Variants in ECHDC2 observed in about 807,000 individuals in gnomAD.
ECHDC2 encodes the protein enoyl-CoA hydratase domain containing 2, also known as enoyl-CoA hydratase domain-containing protein 2, mitochondrial.
Under a neutral mutation model 40.6 loss-of-function variants are expected in ECHDC2, and 34 were observed. The observed-to-expected ratio is 0.84, with a 90% CI of 0.64 to 1.11. The LOEUF (loss-of-function observed/expected upper bound fraction) is 1.11, where lower values mean the gene tolerates loss of function less well. ECHDC2 is among the 50% of genes most tolerant of loss of function. ECHDC2 has a pLI of 0.00. For missense variants in ECHDC2, 392 were observed against 400.7 expected (o/e 0.98, Z 0.19); for synonymous variants, 162 against 166.6 (o/e 0.97, Z 0.21).
At chr1:52,917,163 A>C (rs1311425886) in intron 1 of ECHDC2, among the ~76,000 whole-genome samples, 1 of 151,100 alleles carries the variant, frequency 6.6e-6, no homozygotes, top group Non-Finnish European at 1.5e-5. Context: ...CAGAGGCTGC[A>C]GTGGGCCGAG....
At chr1:52,899,327 G>C in intron 7 of ECHDC2, 103 bp from the exon 8 acceptor site, 1 of 1,103,168 alleles carries the variant, frequency 9.1e-7, no homozygotes, top group Non-Finnish European at 1.3e-6. Flanking sequence ...AGATGTCTGG[G>C]TCTGGTTCCA....
chr1:52,911,793 G>A lies in ECHDC2; in HGVS notation c.122-3C>T. On this transcript the variant is annotated splice_region_variant and splice_polypyrimidine_tract_variant and intron_variant, in intron 1 of 9. Coordinates refer to ENST00000371522, the MANE Select transcript of ECHDC2 (RefSeq NM_001198961.2). ...GTTCATCAGAATCTCAGTGATCCCT[G>A]TAAGGAGTCAGGGCAGCCACGGGAA... 6.2e-7 allele frequency: 1 copy of A among 1,613,860 alleles called. No homozygotes were observed. Among genetic ancestry groups the A allele is most frequent in the South Asian group, 1.1e-5 (1 of 91,084 alleles).
At chr1:52,913,242 A>G (rs1389871433) in intron 1 of ECHDC2, 1 of 152,196 alleles carries the variant, frequency 6.6e-6, no homozygotes, top group Non-Finnish European at 1.5e-5. Flanking sequence ...ATAAATTAGC[A>G]ACTAAATACA....
Position 52,896,536 on chromosome 1 carries a change from T to G in ECHDC2, c.863A>C (p.Lys288Thr), listed in dbSNP as rs747871218. The G allele has an allele frequency of 3.1e-6, 5 of 1,613,974 alleles. No homozygotes were observed. The highest frequency in any genetic ancestry group is 4.2e-6 in the Non-Finnish European group (5 of 1,179,970). Residue 288 changes from lysine (K) to threonine (T), a missense_variant, in exon 10 of 10, where the codon AAA (lysine) becomes ACA (threonine). Physicochemically the swap from Lys to Thr is moderately conservative, Grantham distance 78. Transcript: ENST00000371522. The part of the protein sequence containing the change: ...MAAFREKRTP[K>T]FVGK ...AAATGGGGGTCATTTGCCAACAAAT[T>G]TGGGAGTCCGCTTCTCCCTGAAGGC... is the stretch of plus-strand genomic sequence containing the variant.
intron 5 of ECHDC2, chr1:52,905,523 C>G (rs1647554694): frequency 5.9e-6 from 1 of 170,896 alleles, no homozygotes. Flanking sequence ...TCAGTGACTC[C>G]TGCTCCTGCT....
intron 1 of ECHDC2, chr1:52,913,577 A>G (rs1292293606): frequency 6.6e-6 from 1 of 152,244 alleles, no homozygotes; most frequent in Non-Finnish European, 1.5e-5. Flanking sequence ...TCTTAGAAGA[A>G]TATTTATTTG....
rs989384181 is a variant in ECHDC2 at position 52,906,674 on chromosome 1, G to C, written c.365-63C>G. On this transcript the variant is annotated intron_variant, in intron 4 of 9. Coordinates refer to ENST00000371522, the MANE Select transcript of ECHDC2 (RefSeq NM_001198961.2). ...GGTGGGACCAGGACAGAGACTCAAG[G>C]CTGGGGAGGGGCAAGCTGGTTGGGA... 5 of 1,403,312 alleles carry C rather than the reference G, an allele frequency of 3.6e-6. No homozygotes were observed. The African/African-American group carries it at 7.1e-5, about 20-fold the overall frequency. The allele number at this position is 1,403,312 out of a possible 1,614,324, so 86.9% of individuals were successfully genotyped here.
At chr1:52,912,101 GACAC>G (rs1027101913) in intron 1 of ECHDC2, 24 of 1,222,768 alleles carry the variant, frequency 2.0e-5, no homozygotes, top group African/African-American at 3.1e-5. Flanking sequence ...TAGACAGACA[GACAC>G]ACACACACAC....
intron 1 of ECHDC2, among the ~76,000 whole-genome samples, chr1:52,919,980 G>A (rs765279475): frequency 2.0e-5 from 3 of 152,188 alleles, no homozygotes; most frequent in African/African-American, 7.2e-5. Context: ...ACATGTACAA[G>A]TCTGTATTTT....
At position 52,897,605 on chromosome 1, in the gene ECHDC2, T is replaced by C; in HGVS notation, c.754-121A>G. On this transcript the variant is annotated intron_variant, in intron 8 of 9. Transcript: ENST00000371522. ...GAGCAGAGATAGCTATGAGAAGGAA[T>C]TTCCCTCCTAGAGAAGAAACACCAT... The C allele has an allele frequency of 6.4e-6, 6 of 940,320 alleles. No homozygotes were observed. In the South Asian group the frequency reaches 8.0e-5, roughly 12 times the overall value. The allele number at this position is 940,320 out of a possible 1,614,324, so 58.2% of individuals were successfully genotyped here.
intron 8 of ECHDC2, 76 bp from the exon 9 acceptor site, chr1:52,897,560 T>C: frequency 7.2e-7 from 1 of 1,394,122 alleles, no homozygotes; most frequent in Non-Finnish European, 1.0e-6. Flanking sequence ...GCCCACCCTA[T>C]TGCCTACAGA....
chr1:52,897,721 A>G (rs573144675), intron 8 of ECHDC2: 5 of 591,818 alleles, frequency 8.4e-6, no homozygotes, highest in African/African-American at 5.6e-5. Flanking sequence ...CGGCTGCCTC[A>G]CCACGCTTCC....
chr1:52,920,876 G>T (rs1227352351), intron 1 of ECHDC2, among the ~76,000 whole-genome samples: 1 of 152,236 alleles, frequency 6.6e-6, no homozygotes, highest in Admixed American at 6.5e-5. Flanking sequence ...ATGGTTACCA[G>T]CAGAGGACTG....
At chr1:52,902,481 G>A (rs1289742958) in intron 7 of ECHDC2, among the ~76,000 whole-genome samples, 1 of 151,986 alleles carries the variant, frequency 6.6e-6, no homozygotes, top group African/African-American at 2.4e-5. Context: ...ATACAAATGA[G>A]GTCTCACTAT....
chr1:52,912,630 C>T (rs2150063482), intron 1 of ECHDC2: 1 of 152,368 alleles, frequency 6.6e-6, no homozygotes, highest in East Asian at 1.9e-4. Flanking sequence ...AACCCCACCA[C>T]ATGCCCTGAC....
Position 52,896,197 on chromosome 1 carries a change from G to T in ECHDC2, c.*323C>A. On this transcript the variant is annotated 3_prime_UTR_variant, in exon 10 of 10. Transcript: ENST00000371522. The stretch of plus-strand genomic sequence containing the variant: ...GTGCCTGATAACTGAGAGAGGTCAG[G>T]GGCTGAGAGCCAATGATACCAAGAC... 1 of 288,664 alleles carries T rather than the reference G, an allele frequency of 3.5e-6. No individual in the cohort carries two copies. Among genetic ancestry groups the T allele is most frequent in the South Asian group, 4.3e-5 (1 of 23,148 alleles). 17.9% of individuals were successfully genotyped at this position (288,664 alleles called of 1,614,324 possible). A position where few individuals can be genotyped will look rare whatever the true frequency, so the allele number is the denominator to read the frequency against.
chr1:52,919,024 G>A (rs949256723), intron 1 of ECHDC2, among the ~76,000 whole-genome samples: 3 of 152,122 alleles, frequency 2.0e-5, no homozygotes, highest in Non-Finnish European at 2.9e-5. Flanking sequence ...ATAGGAGTGC[G>A]AACCCTATTG....
chr1:52,921,054 A>G (rs756669259), intron 1 of ECHDC2, among the ~76,000 whole-genome samples: 7 of 152,208 alleles, frequency 4.6e-5, no homozygotes, highest in Non-Finnish European at 1.0e-4. Context: ...GCGGAGAAAC[A>G]GCGAACTTTT....
In ECHDC2 at chr1:52,914,234, G is replaced by A. The variant is rs1650189682; in HGVS notation, c.122-2444C>T. 1 of 374,870 alleles carries A rather than the reference G, an allele frequency of 2.7e-6. No homozygotes were observed. The highest frequency in any genetic ancestry group is 2.1e-5 in the African/African-American group (1 of 47,240). The allele number at this position is 374,870 out of a possible 1,614,324, so 23.2% of individuals were successfully genotyped here. A position where few individuals can be genotyped will look rare whatever the true frequency, so the allele number is the denominator to read the frequency against. On this transcript the variant is annotated intron_variant, in intron 1 of 9. Coordinates refer to ENST00000371522, the MANE Select transcript of ECHDC2 (RefSeq NM_001198961.2). This position sits in a 1 kb window ranked among gnomAD's most constrained non-coding sequence, Gnocchi z 4.0. ...CAGCAATGAGTTATCAGAGGAGGCA[G>A]TGGCCTTTAAGCTGAGAGCTGACAG...
Sources: allele counts gnomAD v4.1 joint callset (sites outside exome capture counted in the v4.1 genomes callset), GRCh38; gene constraint gnomAD v4.1.1; non-coding constraint Gnocchi (gnomAD v3.1); transcripts MANE v1.5; gene names NCBI Gene and HGNC (gene_info 2026-07-23, HGNC 2026-07-21).